KATNA1: variants seen among roughly 807,000 people sequenced by gnomAD.
The protein encoded by KATNA1 is katanin catalytic subunit A1, also known as katanin p60 ATPase-containing subunit A1.
Under a neutral mutation model 62.6 loss-of-function variants are expected in KATNA1, and 42 were observed. The ratio of observed to expected loss-of-function variants is 0.67; its 90% CI spans 0.52 to 0.87. KATNA1 has a LOEUF of 0.87. KATNA1 is among the 40% of genes least tolerant of loss of function. The pLI, the probability that KATNA1 is intolerant of heterozygous loss-of-function variation, is 0.00. For synonymous variants in KATNA1, 186 were observed against 201.9 expected, an observed-to-expected ratio of 0.92 and a Z score of 0.67; for missense variants, 498 against 612.5, an observed-to-expected ratio of 0.81 and a Z score of 1.97.
rs939611907 is a variant in KATNA1, at chr6:149,648,681, C to A, written c.-226G>T. On this transcript the variant is annotated 5_prime_UTR_variant, in exon 1 of 11. Transcript: ENST00000367411. Reference sequence around the variant, plus strand: ...AATTTGAAGACAAACCCGCCAGGGTCACTTCCGGTGCCGGGGACGACCTCG... The same window carrying A: ...AATTTGAAGACAAACCCGCCAGGGTAACTTCCGGTGCCGGGGACGACCTCG... The A allele has an allele frequency of 1.3e-5, 2 of 152,306 alleles. No homozygotes were observed. The highest frequency in any genetic ancestry group is 2.9e-5 in the Non-Finnish European group (2 of 68,138). The allele number at this position is 152,306 out of a possible 1,614,324, so 9.4% of individuals were successfully genotyped here.
At position 149,601,740 on chromosome 6, in the gene KATNA1, C is replaced by T. The variant is rs772959973; in HGVS notation, c.742G>A (p.Val248Ile). 2 of 1,602,534 alleles carry T rather than the reference C, an allele frequency of 1.2e-6. No individual in the cohort carries two copies. The highest frequency in any genetic ancestry group is 2.3e-5 in the East Asian group (1 of 44,436). Residue 248 changes from valine (V) to isoleucine (I), a missense_variant, in exon 7 of 11, where the codon GTC becomes ATC. Physicochemically the swap from Val to Ile is conservative, Grantham distance 29. Around this residue, in one of 3 missense-constraint regions of KATNA1, gnomAD observed 267 missense variants for 372.6 expected, o/e 0.72. Coordinates refer to ENST00000367411, the MANE Select transcript of KATNA1 (RefSeq NM_007044.4). The part of the protein sequence containing the change: ...IRRPWKGVLM[V>I]GPPGTGKTLL... ...GTCTTCCCCGTGCCAGGTGGGCCGA[C>T]CATCAGTACTCCCTGTTGCGAATAT...
At chr6:149,632,620 G>A (rs1239544969) in intron 3 of KATNA1, 139 bp downstream of exon 3, 2 of 629,144 alleles carry the variant, frequency 3.2e-6, no homozygotes, top group East Asian at 2.8e-5. Context: ...TTCAAGACCA[G>A]TGAGTTATAA....
chr6:149,606,697 C>A (rs1166338268), intron 4 of KATNA1, among the ~76,000 whole-genome samples: 1 of 150,998 alleles, frequency 6.6e-6, no homozygotes, highest in East Asian at 1.9e-4. Context: ...TGGCTCACTG[C>A]AACCTCTGCT....
rs1312433826 is a variant in KATNA1, at chr6:149,623,035, A to C, written c.501+68T>G. 29 of 1,207,482 alleles carry C rather than the reference A, an allele frequency of 2.4e-5. No individual in the cohort carries two copies. In the South Asian group the frequency reaches 4.5e-4, roughly 19 times the overall value. 74.8% of individuals were successfully genotyped at this position (1,207,482 alleles called of 1,614,324 possible). Reference sequence around the variant, plus strand: ...AAAGGAAAAAAAGAAAAAATAAATAAATTTGTACAGTCTTCATTTTTACGG... The same window carrying C: ...AAAGGAAAAAAAGAAAAAATAAATACATTTGTACAGTCTTCATTTTTACGG... On this transcript the variant is annotated intron_variant, in intron 4 of 10. Coordinates refer to ENST00000367411, the MANE Select transcript of KATNA1 (RefSeq NM_007044.4).
chr6:149,634,924 A>AT (rs995157881), intron 2 of KATNA1, among the ~76,000 whole-genome samples: 2 of 144,828 alleles, frequency 1.4e-5, no homozygotes, highest in Non-Finnish European at 3.0e-5. Flanking sequence ...CAACCAAGGT[A>AT]TTTTTTTAAA....
At chr6:149,635,258 C>A (rs1582804785) in intron 2 of KATNA1, among the ~76,000 whole-genome samples, 1 of 152,068 alleles carries the variant, frequency 6.6e-6, no homozygotes, top group African/African-American at 2.4e-5. Flanking sequence ...GCCTGGGGAA[C>A]AGACCGAGAC....
At chr6:149,616,028 G>C (rs538972818) in intron 4 of KATNA1, among the ~76,000 whole-genome samples, 1 of 152,282 alleles carries the variant, frequency 6.6e-6, no homozygotes, top group African/African-American at 2.4e-5. Context: ...AATTCACAGA[G>C]AGAGGAGGTA....
intron 3 of KATNA1, 108 bp from the exon 4 acceptor site, chr6:149,623,391 G>A (rs559948992): frequency 2.8e-6 from 2 of 705,322 alleles, no homozygotes; most frequent in South Asian, 5.5e-5. Context: ...TGCAACAACT[G>A]AACACAAGAC....
At chr6:149,602,038 G>T (rs1335413354) in intron 6 of KATNA1, among the ~76,000 whole-genome samples, 2 of 152,150 alleles carry the variant, frequency 1.3e-5, no homozygotes, top group African/African-American at 4.8e-5. Flanking sequence ...TATCCTGATT[G>T]TCCTTTTGCT....
At chr6:149,608,765 A>G (rs1321202898) in intron 4 of KATNA1, among the ~76,000 whole-genome samples, 1 of 152,036 alleles carries the variant, frequency 6.6e-6, no homozygotes, top group Non-Finnish European at 1.5e-5. Flanking sequence ...CCCCAACCAC[A>G]GTGTCCCTGG....
chr6:149,632,464 G>A (rs536031510), intron 3 of KATNA1, among the ~76,000 whole-genome samples: 259 of 152,000 alleles, frequency 1.7e-3, no homozygotes, highest in African/African-American at 5.9e-3. Context: ...AGACAGACAC[G>A]GAGCTTGGAT....
intron 7 of KATNA1, among the ~76,000 whole-genome samples, chr6:149,599,144 G>C (rs571577593): frequency 6.6e-6 from 1 of 152,004 alleles, no homozygotes. Flanking sequence ...GGATTACAAT[G>C]AGCCACTGTA....
chr6:149,638,727 ATTGTT>A, intron 1 of KATNA1, 167 bp from the exon 2 acceptor site: 1 of 241,160 alleles, frequency 4.1e-6, no homozygotes, highest in Non-Finnish European at 7.5e-6. Context: ...TAAAAAAAAC[ATTGTT>A]TTTTTTTTTT....
intron 1 of KATNA1, among the ~76,000 whole-genome samples, chr6:149,641,971 C>T (rs772623419): frequency 3.7e-4 from 56 of 151,772 alleles, no homozygotes; most frequent in Non-Finnish European, 6.0e-4. Context: ...GGTGTGATCT[C>T]GGCTCACTGC....
At chr6:149,621,555 T>A (rs1210998656) in intron 4 of KATNA1, among the ~76,000 whole-genome samples, 5 of 149,268 alleles carry the variant, frequency 3.3e-5, no homozygotes, top group Admixed American at 6.7e-5. Flanking sequence ...TGCAGTGGTG[T>A]GATCTCAGCT....
chr6:149,623,339 A>AGTATGTGTGTT, intron 3 of KATNA1, 56 bp from the exon 4 acceptor site: 1 of 1,284,854 alleles, frequency 7.8e-7, no homozygotes, highest in Non-Finnish European at 1.1e-6. Context: ...GGATGAACAC[A>AGTATGTGTGTT]CATACTGTGT....
intron 4 of KATNA1, among the ~76,000 whole-genome samples, chr6:149,617,019 C>T (rs1311017066): frequency 1.3e-5 from 2 of 151,974 alleles, no homozygotes; most frequent in Non-Finnish European, 2.9e-5. Flanking sequence ...TGGCAAAATC[C>T]CTAAAACACT....
chr6:149,640,528 G>T lies in KATNA1; in HGVS notation c.-13-1968C>A, dbSNP rs147037314. ...GATGATTTCTGTAAGTATGGTGGGG[G>T]TTTTTTTGGGTTTTTTTGGGTTTTG... On this transcript the variant is annotated intron_variant, in intron 1 of 10. Transcript: ENST00000367411. 7.8e-3 allele frequency among the ~76,000 whole-genome samples: 1,168 copies of T among 150,412 alleles called. 11 individuals are homozygous for T. Among genetic ancestry groups the T allele is most frequent in the Middle Eastern group, 0.021 (6 of 292 alleles).
chr6:149,598,885 G>C (rs542486582), intron 7 of KATNA1, among the ~76,000 whole-genome samples: 1 of 151,636 alleles, frequency 6.6e-6, no homozygotes, highest in Non-Finnish European at 1.5e-5. Flanking sequence ...TTTTTTAAGA[G>C]GCAAGGTCTT....
Sources: gnomAD v4.1 joint callset for allele counts (sites outside exome capture counted in the v4.1 genomes callset) on GRCh38, gnomAD v4.1.1 for gene constraint, gnomAD v4.1.1 regional missense constraint, MANE v1.5 for transcripts, NCBI Gene and HGNC (gene_info 2026-07-23, HGNC 2026-07-21) for gene names.